Variants in CNKSR3 observed in about 807,000 individuals in gnomAD.
CNKSR3 encodes the protein connector enhancer of kinase suppressor of ras 3.
A neutral mutation model predicts 67.7 loss-of-function variants in CNKSR3; 36 were observed. That is an observed-to-expected ratio of 0.53 (90% CI 0.41 to 0.70). The LOEUF (loss-of-function observed/expected upper bound fraction) is 0.70. Among genes scored for constraint, CNKSR3 ranks in the 30% least tolerant of loss-of-function variants. CNKSR3 has a pLI of 0.00. For missense variants in CNKSR3, 630 were observed against 695.2 expected (o/e 0.91, Z 1.05); for synonymous variants, 281 against 271.4 (o/e 1.04, Z -0.35).
chr6:154,448,027 C>G (rs920401233), intron 2 of CNKSR3, among the ~76,000 whole-genome samples: 10 of 152,274 alleles, frequency 6.6e-5, no homozygotes, highest in South Asian at 6.2e-4. Context: ...GTGACCCCCC[C>G]TGTCCAATGT....
At chr6:154,430,663 G>C in intron 5 of CNKSR3, 72 bp from the exon 6 acceptor site, 1 of 1,415,182 alleles carries the variant, frequency 7.1e-7, no homozygotes, top group Admixed American at 2.0e-5. Flanking sequence ...GATTTTTAGA[G>C]AAATGCATTT....
chr6:154,475,555 T>C (rs1786428235), intron 1 of CNKSR3, among the ~76,000 whole-genome samples: 1 of 152,194 alleles, frequency 6.6e-6, no homozygotes, highest in African/African-American at 2.4e-5. Context: ...CGCTGACAGA[T>C]GGGGCTGATT....
At chr6:154,422,468 A>G (rs376296829) in intron 9 of CNKSR3, 38 bp downstream of exon 9, 41 of 1,597,400 alleles carry the variant, frequency 2.6e-5, no homozygotes, top group Admixed American at 8.6e-5. Context: ...GAGATACTCA[A>G]CATTGTTGGA....
intron 6 of CNKSR3, among the ~76,000 whole-genome samples, chr6:154,430,192 A>T (rs1785335781): frequency 6.6e-6 from 1 of 152,184 alleles, no homozygotes; most frequent in Non-Finnish European, 1.5e-5. Context: ...TCCTTTGTGT[A>T]AGTGTTTTAT....
Position 154,393,883 on chromosome 6 carries a change from G to T in CNKSR3, c.*12471C>A, listed in dbSNP as rs1784632520. The T allele has an allele frequency of 6.6e-6, 1 of 152,238 alleles. No homozygotes were observed. Among genetic ancestry groups the T allele is most frequent in the African/African-American group, 2.4e-5 (1 of 41,446 alleles). 9.4% of individuals were successfully genotyped at this position (152,238 alleles called of 1,614,324 possible). ...AAATAAATGTTTTGGGGAAAATGTA[G>T]TCTTGAGTATTAATATTAGAAAAGA... On this transcript the variant is annotated 3_prime_UTR_variant, in exon 13 of 13. Coordinates refer to ENST00000607772, the MANE Select transcript of CNKSR3 (RefSeq NM_173515.4).
At chr6:154,414,263 G>A in intron 10 of CNKSR3, 36 bp downstream of exon 10, 1 of 1,539,712 alleles carries the variant, frequency 6.5e-7, no homozygotes, top group East Asian at 2.3e-5. Flanking sequence ...ACACCAACAG[G>A]AGACAAGCAT....
intron 1 of CNKSR3, among the ~76,000 whole-genome samples, chr6:154,477,755 C>G (rs895080246): frequency 5.3e-5 from 8 of 152,184 alleles, no homozygotes; most frequent in African/African-American, 1.4e-4. Flanking sequence ...CTAATGGACT[C>G]CCAATCAATG....
rs1200413039 is a variant in CNKSR3 at position 154,402,982 on chromosome 6, C to T, written c.*3372G>A. Reference sequence around the variant, plus strand: ...ATCTTATCTGTTTCAGTTAGAACGTCACTGATGGGTATGTTTTAGAGGCTA... The same window carrying T: ...ATCTTATCTGTTTCAGTTAGAACGTTACTGATGGGTATGTTTTAGAGGCTA... On this transcript the variant is annotated 3_prime_UTR_variant, in exon 13 of 13. Coordinates refer to ENST00000607772, the MANE Select transcript of CNKSR3 (RefSeq NM_173515.4). 1 of 152,048 alleles carries T rather than the reference C, an allele frequency of 6.6e-6. No individual in the cohort carries two copies. The highest frequency in any genetic ancestry group is 2.4e-5 in the African/African-American group (1 of 41,378). 9.4% of individuals were successfully genotyped at this position (152,048 alleles called of 1,614,324 possible). A position where few individuals can be genotyped will look rare whatever the true frequency, so the allele number is the denominator to read the frequency against.
At chr6:154,452,349 C>T (rs1213441127) in intron 1 of CNKSR3, among the ~76,000 whole-genome samples, 1 of 152,148 alleles carries the variant, frequency 6.6e-6, no homozygotes, top group African/African-American at 2.4e-5. Context: ...ACAGTAAGGT[C>T]TAACAACAAG....
At chr6:154,500,706 T>C (rs143215145) in intron 1 of CNKSR3, among the ~76,000 whole-genome samples, 2,218 of 152,352 alleles carry the variant, frequency 0.015, 32 homozygotes, top group South Asian at 0.058. Context: ...AGTCTTTCAG[T>C]AGGGCAAAAT....
rs1174250904 is a variant in CNKSR3 at position 154,400,392 on chromosome 6, A to C, written c.*5962T>G. 6.6e-6 allele frequency: 1 copy of C among 152,216 alleles called. No individual in the cohort carries two copies. The highest frequency in any genetic ancestry group is 1.5e-5 in the Non-Finnish European group (1 of 68,044). The allele number at this position is 152,216 out of a possible 1,614,324, so 9.4% of individuals were successfully genotyped here. On this transcript the variant is annotated 3_prime_UTR_variant, in exon 13 of 13. Transcript: ENST00000607772. ...ACGAGCTTCATAAAGGTTGCCATAG[A>C]ACTTTAGAATATGCCTATGGATGGC...
At chr6:154,494,750 C>T (rs1485038912) in intron 1 of CNKSR3, among the ~76,000 whole-genome samples, 2 of 152,148 alleles carry the variant, frequency 1.3e-5, no homozygotes, top group Non-Finnish European at 2.9e-5. Context: ...TACACACCCC[C>T]GTTCCTCCCC....
intron 1 of CNKSR3, among the ~76,000 whole-genome samples, chr6:154,501,101 C>A (rs1786986149): frequency 6.6e-6 from 1 of 152,142 alleles, no homozygotes; most frequent in South Asian, 2.1e-4. Context: ...TCTACCTTAG[C>A]CCTGGCAGGA....
intron 1 of CNKSR3, among the ~76,000 whole-genome samples, chr6:154,507,831 T>C (rs546362550): frequency 6.6e-6 from 1 of 152,344 alleles, no homozygotes; most frequent in South Asian, 2.1e-4. Context: ...CTCAACTAAC[T>C]GATAACGTCA....
chr6:154,507,728 C>A (rs1267166261), intron 1 of CNKSR3, among the ~76,000 whole-genome samples: 1 of 152,128 alleles, frequency 6.6e-6, no homozygotes, highest in African/African-American at 2.4e-5. Flanking sequence ...CAAGTGCCAA[C>A]CACAGGTATG....
chr6:154,484,501 C>T (rs1430304181), intron 1 of CNKSR3, among the ~76,000 whole-genome samples: 3 of 152,078 alleles, frequency 2.0e-5, no homozygotes, highest in African/African-American at 4.8e-5. Flanking sequence ...GTCAGGAGTT[C>T]GAGACCAGCC....
intron 1 of CNKSR3, among the ~76,000 whole-genome samples, chr6:154,477,333 T>A (rs1001179613): frequency 2.6e-5 from 4 of 152,064 alleles, no homozygotes; most frequent in Non-Finnish European, 5.9e-5. Flanking sequence ...TTTATTTATT[T>A]ATTTTTGAGC....
At chr6:154,442,059 G>A (rs759660277) in intron 3 of CNKSR3, 29 bp downstream of exon 3, 2 of 1,566,950 alleles carry the variant, frequency 1.3e-6, no homozygotes, top group Non-Finnish European at 1.7e-6. Context: ...TACTCTTGCA[G>A]GGCAGTAAAA....
intron 6 of CNKSR3, among the ~76,000 whole-genome samples, chr6:154,428,463 G>A (rs993618057): frequency 1.3e-5 from 2 of 152,206 alleles, no homozygotes; most frequent in African/African-American, 2.4e-5. Context: ...GGATGTGGGA[G>A]TGTTCTTAGA....
Sources: gnomAD v4.1 joint callset for allele counts (sites outside exome capture counted in the v4.1 genomes callset) on GRCh38, gnomAD v4.1.1 for gene constraint, MANE v1.5 for transcripts, NCBI Gene and HGNC (gene_info 2026-07-23, HGNC 2026-07-21) for gene names.